Variants in STARD13 observed in about 807,000 individuals in gnomAD.
The protein encoded by STARD13 is stAR-related lipid transfer protein 13.
STARD13 carries 62 observed loss-of-function variants against 106.4 expected under a neutral mutation model. The observed-to-expected ratio is 0.58, with a 90% CI of 0.48 to 0.72. The LOEUF (loss-of-function observed/expected upper bound fraction) is 0.72, where lower values mean the gene tolerates loss of function less well. STARD13 is among the 30% of genes least tolerant of loss of function. The pLI, the probability that STARD13 is intolerant of heterozygous loss-of-function variation, is 0.00. For missense variants in STARD13, 1,387 were observed against 1,424.0 expected, an observed-to-expected ratio of 0.97 and a Z score of 0.42; for synonymous variants, 565 against 553.0, an observed-to-expected ratio of 1.02 and a Z score of -0.31.
intron 10 of STARD13, among the ~76,000 whole-genome samples, chr13:33,111,421 G>A (rs1874547626): frequency 6.6e-6 from 1 of 152,140 alleles, no homozygotes; most frequent in East Asian, 1.9e-4. Flanking sequence ...TTGGTTCTTA[G>A]CAACAAAGAT....
At chr13:33,108,315 G>T (rs1239865064) in intron 12 of STARD13, among the ~76,000 whole-genome samples, 1 of 152,122 alleles carries the variant, frequency 6.6e-6, no homozygotes, top group Non-Finnish European at 1.5e-5. Context: ...CTACACATAA[G>T]GAATTCCTGT....
chr13:33,625,352 A>T, the STARD13 span, among the ~76,000 whole-genome samples: 2 of 152,128 alleles, frequency 1.3e-5, no homozygotes, highest in African/African-American at 4.8e-5. Flanking sequence ...CGGGCAGGTC[A>T]TGAGGTCAAG....
the STARD13 span, among the ~76,000 whole-genome samples, chr13:33,442,978 T>A: frequency 9.2e-5 from 14 of 152,170 alleles, no homozygotes; most frequent in Non-Finnish European, 2.1e-4. Flanking sequence ...ATTGATTAAT[T>A]GGTACAGAGT....
chr13:33,402,437 A>G, the STARD13 span, among the ~76,000 whole-genome samples: 2 of 152,254 alleles, frequency 1.3e-5, no homozygotes, highest in African/African-American at 4.8e-5. Flanking sequence ...ATTCTCTTCA[A>G]TAAGGATTTG....
At chr13:33,110,176 A>C in intron 11 of STARD13, 86 bp from the exon 12 acceptor site, 1 of 1,214,328 alleles carries the variant, frequency 8.2e-7, no homozygotes, top group Non-Finnish European at 1.2e-6. Context: ...TTTTGCTATC[A>C]TACCTTGCTG....
the STARD13 span, among the ~76,000 whole-genome samples, chr13:33,480,164 TAGA>T: frequency 6.6e-6 from 1 of 152,114 alleles, no homozygotes; most frequent in African/African-American, 2.4e-5. Context: ...AAAACAACAA[TAGA>T]AGGATAGTCT....
At chr13:33,529,024 G>A in the STARD13 span, among the ~76,000 whole-genome samples, 1 of 152,046 alleles carries the variant, frequency 6.6e-6, no homozygotes, top group Non-Finnish European at 1.5e-5. Context: ...ATTACTTCCT[G>A]TTTTATTTTT....
At chr13:33,670,705 C>G in the STARD13 span, among the ~76,000 whole-genome samples, 1 of 152,162 alleles carries the variant, frequency 6.6e-6, no homozygotes, top group Non-Finnish European at 1.5e-5. Context: ...CAGGACAGGA[C>G]CAAGAACAAG....
At chr13:33,123,725 A>G (rs604240) in intron 7 of STARD13, among the ~76,000 whole-genome samples, 46,742 of 152,130 alleles carry the variant, frequency 0.31, 8,235 homozygotes, top group Non-Finnish European at 0.41. Flanking sequence ...CTGGGCATGC[A>G]GGAGTGTGGA....
chr13:33,474,249 C>T, the STARD13 span, among the ~76,000 whole-genome samples: 3 of 152,038 alleles, frequency 2.0e-5, no homozygotes, highest in Non-Finnish European at 4.4e-5. Context: ...GTGGTGTGGC[C>T]CCAGTGTTCT....
At chr13:33,505,069 G>A in the STARD13 span, among the ~76,000 whole-genome samples, 2 of 152,176 alleles carry the variant, frequency 1.3e-5, no homozygotes, top group African/African-American at 4.8e-5. Context: ...CTAAGTCTGT[G>A]AGTTTACAAC....
At chr13:33,504,149 T>C in the STARD13 span, among the ~76,000 whole-genome samples, 1 of 152,168 alleles carries the variant, frequency 6.6e-6, no homozygotes, top group South Asian at 2.1e-4. Context: ...ACTTTTACAC[T>C]GTTGGTGGGA....
chr13:33,461,672 A>G, the STARD13 span, among the ~76,000 whole-genome samples: 2 of 152,304 alleles, frequency 1.3e-5, no homozygotes, highest in African/African-American at 4.8e-5. Flanking sequence ...GTTACAGTTT[A>G]GGCTTTTTAT....
chr13:33,419,532 T>C, the STARD13 span, among the ~76,000 whole-genome samples: 1 of 152,194 alleles, frequency 6.6e-6, no homozygotes, highest in African/African-American at 2.4e-5. Flanking sequence ...GAAAACACTC[T>C]TTAGGATATT....
the STARD13 span, among the ~76,000 whole-genome samples, chr13:33,477,612 G>T: frequency 6.6e-6 from 1 of 152,130 alleles, no homozygotes; most frequent in Non-Finnish European, 1.5e-5. Context: ...GACATGCCTT[G>T]TTATATCCTC....
chr13:33,330,067 C>A (rs976863240), intron 1 of STARD13, among the ~76,000 whole-genome samples: 2 of 152,126 alleles, frequency 1.3e-5, no homozygotes, highest in African/African-American at 4.8e-5. Flanking sequence ...TGTTGACTAT[C>A]GTGTAAAATG....
intron 1 of STARD13, among the ~76,000 whole-genome samples, chr13:33,245,306 G>GA (rs1163610569): frequency 1.3e-5 from 2 of 152,120 alleles, no homozygotes; most frequent in Non-Finnish European, 2.9e-5. Flanking sequence ...AGAGTAAACA[G>GA]AAAAAAGACA....
intron 1 of STARD13, among the ~76,000 whole-genome samples, chr13:33,204,634 A>G (rs1465295925): frequency 2.6e-5 from 4 of 152,238 alleles, no homozygotes. Context: ...GCAGAAATAG[A>G]TCAATATTTC....
At chr13:33,550,508 C>G in the STARD13 span, among the ~76,000 whole-genome samples, 2 of 152,324 alleles carry the variant, frequency 1.3e-5, no homozygotes, top group Non-Finnish European at 2.9e-5. Context: ...CAGACCTGTC[C>G]TGGTATCAGA....
Sources: gnomAD v4.1 joint callset for allele counts (sites outside exome capture counted in the v4.1 genomes callset) on GRCh38, gnomAD v4.1.1 for gene constraint, MANE v1.5 for transcripts, NCBI Gene and HGNC (gene_info 2026-07-23, HGNC 2026-07-21) for gene names.